The following CDYL2 variants were observed in gnomAD, a reference collection of about 807,000 sequenced individuals.
The protein encoded by CDYL2 is chromodomain Y like 2.
CDYL2 carries 23 observed loss-of-function variants against 49.4 expected under a neutral mutation model. The observed-to-expected ratio is 0.47, with a 90% CI of 0.34 to 0.66. The LOEUF (loss-of-function observed/expected upper bound fraction) is 0.66. Ranked by LOEUF, CDYL2 falls within the 30% of genes least tolerant of loss-of-function variation. CDYL2 has a pLI of 0.01. For missense variants in CDYL2, 678 were observed against 656.4 expected, an observed-to-expected ratio of 1.03 and a Z score of -0.36; for synonymous variants, 360 against 268.8, an observed-to-expected ratio of 1.34 and a Z score of -3.32.
intron 2 of CDYL2, among the ~76,000 whole-genome samples, chr16:80,643,273 A>G (rs1183751512): frequency 6.6e-6 from 1 of 152,192 alleles, no homozygotes; most frequent in Admixed American, 6.5e-5. Context: ...GCTGATTCAA[A>G]AGGTGAGTGC....
chr16:80,752,108 C>A (rs577733682), intron 1 of CDYL2, among the ~76,000 whole-genome samples: 1 of 144,490 alleles, frequency 6.9e-6, no homozygotes, highest in Non-Finnish European at 1.6e-5. Flanking sequence ...TTTAGCAAAG[C>A]GAAATTAATC....
chr16:80,680,720 G>A (rs1015447992), intron 2 of CDYL2, among the ~76,000 whole-genome samples: 4 of 152,112 alleles, frequency 2.6e-5, no homozygotes, highest in Non-Finnish European at 5.9e-5. Context: ...TCAAATCCAG[G>A]GAGTAAAGAT....
At chr16:80,674,809 G>C (rs1909675967) in intron 2 of CDYL2, among the ~76,000 whole-genome samples, 1 of 152,282 alleles carries the variant, frequency 6.6e-6, no homozygotes, top group Non-Finnish European at 1.5e-5. Flanking sequence ...ACGACATTTT[G>C]TTTATCCATT....
chr16:80,681,463 C>T (rs1204684565), intron 2 of CDYL2, among the ~76,000 whole-genome samples: 2 of 152,192 alleles, frequency 1.3e-5, no homozygotes, highest in African/African-American at 4.8e-5. Context: ...TGCTGGACTA[C>T]ACCTCTGGCC....
At chr16:80,736,008 C>T (rs574791787) in intron 1 of CDYL2, among the ~76,000 whole-genome samples, 6 of 152,328 alleles carry the variant, frequency 3.9e-5, no homozygotes, top group South Asian at 2.1e-4. Flanking sequence ...TGGCTCCATC[C>T]GCTGGACTAA....
intron 2 of CDYL2, among the ~76,000 whole-genome samples, chr16:80,635,563 A>C (rs112832211): frequency 0.15 from 22,431 of 152,188 alleles, 2,101 homozygotes; most frequent in Non-Finnish European, 0.2. Flanking sequence ...GAAATAAGAG[A>C]GGACACAAAC....
intron 1 of CDYL2, among the ~76,000 whole-genome samples, chr16:80,749,548 CA>C (rs201356657): frequency 8.6e-5 from 13 of 150,416 alleles, no homozygotes; most frequent in African/African-American, 2.9e-4. Context: ...TTTATCTTAG[CA>C]AAAAAAAATT....
At chr16:80,759,102 C>CTATATATATATATATATATATATA in intron 1 of CDYL2, among the ~76,000 whole-genome samples, 1 of 63,368 alleles carries the variant, frequency 1.6e-5, no homozygotes, top group African/African-American at 7.7e-5. Flanking sequence ...AAACCATATA[C>CTATATATATATATATATATATATA]TATATATATA....
chr16:80,703,696 C>A (rs1202236363), intron 1 of CDYL2, among the ~76,000 whole-genome samples: 1 of 152,150 alleles, frequency 6.6e-6, no homozygotes, highest in Non-Finnish European at 1.5e-5. Flanking sequence ...AGAACCGCAC[C>A]TGGTGGTCAG....
chr16:80,793,102 C>G (rs1907660687), intron 1 of CDYL2, among the ~76,000 whole-genome samples: 1 of 152,230 alleles, frequency 6.6e-6, no homozygotes, highest in African/African-American at 2.4e-5. Context: ...CCTCTGGACA[C>G]AGTTCTCCAT....
chr16:80,793,975 A>T (rs543228208), intron 1 of CDYL2, among the ~76,000 whole-genome samples: 1 of 152,206 alleles, frequency 6.6e-6, no homozygotes, highest in Admixed American at 6.5e-5. Flanking sequence ...TTGCTATGAA[A>T]GTAATTATAA....
intron 1 of CDYL2, among the ~76,000 whole-genome samples, chr16:80,798,031 GTTTGTTTGTTTTTTGTTT>G (rs1907818287): frequency 6.6e-6 from 1 of 151,754 alleles, no homozygotes; most frequent in African/African-American, 2.4e-5. Context: ...TGTTGTTGTT[GTTTGTTTGTTTTTTGTTT>G]TTTGCTTTTG....
intron 1 of CDYL2, among the ~76,000 whole-genome samples, chr16:80,707,241 C>A (rs1167237874): frequency 1.3e-5 from 2 of 152,142 alleles, no homozygotes; most frequent in African/African-American, 4.8e-5. Context: ...GATGACAGGA[C>A]TGCTTGAGGC....
At chr16:80,793,074 C>A (rs1260531097) in intron 1 of CDYL2, among the ~76,000 whole-genome samples, 1 of 152,216 alleles carries the variant, frequency 6.6e-6, no homozygotes, top group South Asian at 2.1e-4. Context: ...TGTCTCCCAA[C>A]AGCACTCTTC....
chr16:80,716,242 T>C (rs1363084464), intron 1 of CDYL2, among the ~76,000 whole-genome samples: 1 of 152,268 alleles, frequency 6.6e-6, no homozygotes, highest in Non-Finnish European at 1.5e-5. Flanking sequence ...TATATGCTAT[T>C]TCCTTCCAAG....
At chr16:80,712,191 G>GTGTATATATA (rs1555532109) in intron 1 of CDYL2, among the ~76,000 whole-genome samples, 1 of 107,934 alleles carries the variant, frequency 9.3e-6, no homozygotes, top group African/African-American at 2.9e-5. Flanking sequence ...GTCTGTGTGT[G>GTGTATATATA]TATATATATA....
At chr16:80,758,413 G>A (rs1009982628) in intron 1 of CDYL2, among the ~76,000 whole-genome samples, 1 of 152,098 alleles carries the variant, frequency 6.6e-6, no homozygotes, top group African/African-American at 2.4e-5. Context: ...AGGGGTTGGG[G>A]AGGTAATTTC....
At chr16:80,730,045 G>C (rs1179498950) in intron 1 of CDYL2, among the ~76,000 whole-genome samples, 1 of 152,054 alleles carries the variant, frequency 6.6e-6, no homozygotes, top group Non-Finnish European at 1.5e-5. Context: ...AAAAGAACTA[G>C]AAAAGCAAGA....
chr16:80,773,250 C>T (rs563496877), intron 1 of CDYL2, among the ~76,000 whole-genome samples: 2 of 152,088 alleles, frequency 1.3e-5, no homozygotes, highest in Non-Finnish European at 2.9e-5. Flanking sequence ...CCTAGGAACA[C>T]AGAAAAGTTA....
Sources: gnomAD v4.1 joint callset for allele counts (sites outside exome capture counted in the v4.1 genomes callset) on GRCh38, gnomAD v4.1.1 for gene constraint, MANE v1.5 for transcripts, NCBI Gene and HGNC (gene_info 2026-07-23, HGNC 2026-07-21) for gene names.